THSD4: variants seen among roughly 807,000 people sequenced by gnomAD.
THSD4 encodes thrombospondin type-1 domain-containing protein 4.
In THSD4, 69 loss-of-function variants were observed where a neutral mutation model predicts 119.0. That is an observed-to-expected ratio of 0.58 (90% CI 0.48 to 0.71). The LOEUF is 0.71. THSD4 is among the 30% of genes least tolerant of loss of function. THSD4 has a pLI of 0.00. For missense variants in THSD4, 1,393 were observed against 1,391.1 expected (o/e 1.00, Z -0.02); for synonymous variants, 524 against 540.4 (o/e 0.97, Z 0.42).
At chr15:71,681,020 G>C (rs2141030044) in intron 8 of THSD4, among the ~76,000 whole-genome samples, 1 of 150,414 alleles carries the variant, frequency 6.6e-6, no homozygotes, top group Admixed American at 6.7e-5. Flanking sequence ...CCAGGTTCAA[G>C]CAATTCTCCT....
intron 6 of THSD4, among the ~76,000 whole-genome samples, chr15:71,363,220 G>A (rs73437570): frequency 1.3e-3 from 202 of 152,304 alleles, no homozygotes; most frequent in African/African-American, 4.7e-3. Context: ...CAACTCTGCT[G>A]TGGTCACACA....
chr15:71,557,644 T>A (rs1318889759), intron 7 of THSD4, among the ~76,000 whole-genome samples: 1 of 152,210 alleles, frequency 6.6e-6, no homozygotes, highest in Admixed American at 6.5e-5. Flanking sequence ...CAGTTATTTT[T>A]ATTTAATAAT....
chr15:71,455,922 C>T (rs1186547868), intron 7 of THSD4, among the ~76,000 whole-genome samples: 1 of 152,126 alleles, frequency 6.6e-6, no homozygotes, highest in Non-Finnish European at 1.5e-5. Flanking sequence ...TTGATCCTGC[C>T]CCGTTGAGGT....
At chr15:71,425,487 C>G (rs530733688) in intron 7 of THSD4, among the ~76,000 whole-genome samples, 157 of 152,276 alleles carry the variant, frequency 1.0e-3, no homozygotes, top group African/African-American at 2.9e-3. Flanking sequence ...TAAATTCCAC[C>G]TGCAGCTCCA....
chr15:71,638,848 C>T (rs746788611), intron 7 of THSD4, among the ~76,000 whole-genome samples: 74 of 152,272 alleles, frequency 4.9e-4, no homozygotes, highest in Non-Finnish European at 8.8e-4. Flanking sequence ...TGGCTTAATA[C>T]AATGGTTTTT....
chr15:71,210,457 T>G (rs764875514), intron 3 of THSD4, among the ~76,000 whole-genome samples: 2 of 152,128 alleles, frequency 1.3e-5, no homozygotes, highest in Non-Finnish European at 2.9e-5. Context: ...CTGGCTAGTA[T>G]AGGAAGTTGG....
At chr15:71,744,757 C>T (rs1000240708) in intron 11 of THSD4, among the ~76,000 whole-genome samples, 2 of 152,202 alleles carry the variant, frequency 1.3e-5, no homozygotes, top group Non-Finnish European at 2.9e-5. Context: ...TGTGTTCCTT[C>T]TATAATCATT....
At chr15:71,399,127 A>T (rs749793777) in intron 6 of THSD4, among the ~76,000 whole-genome samples, 1 of 151,912 alleles carries the variant, frequency 6.6e-6, no homozygotes, top group Non-Finnish European at 1.5e-5. Context: ...TGGAGTAGTG[A>T]GGTGGGGGGT....
intron 6 of THSD4, among the ~76,000 whole-genome samples, chr15:71,406,776 T>G (rs2046615374): frequency 6.7e-6 from 1 of 149,564 alleles, no homozygotes; most frequent in African/African-American, 2.5e-5. Flanking sequence ...GCCTCCCGAG[T>G]TCAAGCAATT....
chr15:71,754,490 C>G (rs1412685127), intron 14 of THSD4, among the ~76,000 whole-genome samples: 1 of 151,598 alleles, frequency 6.6e-6, no homozygotes, highest in African/African-American at 2.4e-5. Flanking sequence ...AACAAACAAA[C>G]AAACAAATCC....
chr15:71,177,972 T>C (rs1193226465), intron 3 of THSD4, among the ~76,000 whole-genome samples: 1 of 95,314 alleles, frequency 1.0e-5, no homozygotes, highest in Admixed American at 1.3e-4. Context: ...ATAAATTAGG[T>C]ATTGATGGGA....
At chr15:71,206,001 C>A (rs1343776986) in intron 3 of THSD4, among the ~76,000 whole-genome samples, 3 of 151,112 alleles carry the variant, frequency 2.0e-5, no homozygotes, top group African/African-American at 7.3e-5. Context: ...GTTTCTAATT[C>A]TCTTTCTACA....
intron 7 of THSD4, among the ~76,000 whole-genome samples, chr15:71,628,702 G>A (rs572406154): frequency 4.6e-5 from 7 of 152,344 alleles, no homozygotes; most frequent in African/African-American, 1.7e-4. Flanking sequence ...TTTGAGAATC[G>A]AATCTTGATC....
chr15:71,507,441 A>G (rs950023589), intron 7 of THSD4, among the ~76,000 whole-genome samples: 16 of 44,222 alleles, frequency 3.6e-4, no homozygotes, highest in Non-Finnish European at 8.1e-4. Context: ...AGAACACAAG[A>G]TTTTTCAGGA....
At chr15:71,628,168 T>C (rs573267995) in intron 7 of THSD4, among the ~76,000 whole-genome samples, 6 of 152,184 alleles carry the variant, frequency 3.9e-5, no homozygotes, top group African/African-American at 1.4e-4. Context: ...TTCAAAGTGA[T>C]TCTAGGATAC....
chr15:71,384,260 C>T (rs534224503), intron 6 of THSD4, among the ~76,000 whole-genome samples: 1 of 152,190 alleles, frequency 6.6e-6, no homozygotes, highest in East Asian at 1.9e-4. Context: ...TGCCTGTAGT[C>T]CCAGCTACTC....
intron 7 of THSD4, among the ~76,000 whole-genome samples, chr15:71,574,554 C>T (rs1353190425): frequency 6.6e-6 from 1 of 152,086 alleles, no homozygotes; most frequent in African/African-American, 2.4e-5. Context: ...TCTCCTTTCA[C>T]TAACTAAGTC....
chr15:71,667,798 A>G (rs1266018039), intron 8 of THSD4, among the ~76,000 whole-genome samples: 4 of 152,172 alleles, frequency 2.6e-5, no homozygotes, highest in Non-Finnish European at 4.4e-5. Flanking sequence ...CAAAAAGGTA[A>G]AATTCCCTCT....
chr15:71,098,725 C>T (rs1258704372), intron 1 of THSD4, among the ~76,000 whole-genome samples: 1 of 152,070 alleles, frequency 6.6e-6, no homozygotes, highest in Non-Finnish European at 1.5e-5. Flanking sequence ...ATATAATATA[C>T]TCATCCAAAT....
Sources: allele counts gnomAD v4.1 joint callset (sites outside exome capture counted in the v4.1 genomes callset), GRCh38; gene constraint gnomAD v4.1.1; transcripts MANE v1.5; gene names NCBI Gene and HGNC (gene_info 2026-07-23, HGNC 2026-07-21).